Variants in HPSE2 observed in about 807,000 individuals in gnomAD.
HPSE2 encodes heparanase 2 (inactive).
HPSE2 carries 38 observed loss-of-function variants against 60.5 expected under a neutral mutation model. That is an observed-to-expected ratio of 0.63 (90% CI 0.48 to 0.82). The LOEUF (loss-of-function observed/expected upper bound fraction) is 0.82, where lower values mean the gene tolerates loss of function less well. HPSE2 is among the 40% of genes least tolerant of loss of function. The pLI, the probability that HPSE2 is intolerant of heterozygous loss-of-function variation, is 0.00. For synonymous variants in HPSE2, 295 were observed against 293.2 expected, an observed-to-expected ratio of 1.01 and a Z score of -0.06; for missense variants, 713 against 740.4, an observed-to-expected ratio of 0.96 and a Z score of 0.43.
intron 3 of HPSE2, among the ~76,000 whole-genome samples, chr10:98,871,150 G>A (rs908608898): frequency 1.3e-5 from 2 of 151,990 alleles, no homozygotes; most frequent in Non-Finnish European, 2.9e-5. Context: ...CCAGTCTCGA[G>A]TATTCCTTTA....
chr10:98,671,122 C>T (rs1306014192), intron 6 of HPSE2, among the ~76,000 whole-genome samples: 1 of 152,140 alleles, frequency 6.6e-6, no homozygotes, highest in Non-Finnish European at 1.5e-5. Flanking sequence ...AGTTTAAAAT[C>T]TGGATCTATT....
intron 5 of HPSE2, among the ~76,000 whole-genome samples, chr10:98,708,196 C>T (rs1370489090): frequency 6.6e-6 from 1 of 152,114 alleles, no homozygotes; most frequent in Non-Finnish European, 1.5e-5. Flanking sequence ...GTGGCTCACG[C>T]CTGTAATCCC....
At chr10:98,846,462 T>C (rs2134713049) in intron 3 of HPSE2, among the ~76,000 whole-genome samples, 1 of 152,312 alleles carries the variant, frequency 6.6e-6, no homozygotes, top group East Asian at 1.9e-4. Flanking sequence ...CATGGAAACA[T>C]GCTTTGCTAC....
At chr10:98,511,685 T>C (rs1262199716) in intron 9 of HPSE2, among the ~76,000 whole-genome samples, 1 of 151,718 alleles carries the variant, frequency 6.6e-6, no homozygotes, top group Non-Finnish European at 1.5e-5. Context: ...TATCTTTGCA[T>C]TCCCAGTGCC....
chr10:99,075,705 C>T (rs1422878068), intron 3 of HPSE2, among the ~76,000 whole-genome samples: 1 of 151,926 alleles, frequency 6.6e-6, no homozygotes, highest in African/African-American at 2.4e-5. Flanking sequence ...TTTAAGTGCT[C>T]TCATGTTGGG....
At chr10:99,072,098 CT>C (rs895913761) in intron 3 of HPSE2, among the ~76,000 whole-genome samples, 8 of 150,148 alleles carry the variant, frequency 5.3e-5, no homozygotes, top group African/African-American at 2.0e-4. Flanking sequence ...ATTGTTTTGT[CT>C]ATTTCTGTAA....
At chr10:99,230,562 G>C (rs566795628) in intron 2 of HPSE2, among the ~76,000 whole-genome samples, 1 of 152,012 alleles carries the variant, frequency 6.6e-6, no homozygotes, top group East Asian at 1.9e-4. Flanking sequence ...TAGTTTTACA[G>C]GGCACTGCCT....
At chr10:99,225,232 T>C (rs1223303190) in intron 2 of HPSE2, among the ~76,000 whole-genome samples, 1 of 152,128 alleles carries the variant, frequency 6.6e-6, no homozygotes, top group Non-Finnish European at 1.5e-5. Flanking sequence ...GGCAGACAAA[T>C]TGTGAAATGC....
At chr10:98,803,771 G>A (rs1445763614) in intron 3 of HPSE2, among the ~76,000 whole-genome samples, 9 of 150,964 alleles carry the variant, frequency 6.0e-5, no homozygotes, top group African/African-American at 1.7e-4. Context: ...CTCCAGCTTT[G>A]TTCTTTTGGC....
intron 3 of HPSE2, among the ~76,000 whole-genome samples, chr10:98,959,018 G>A (rs1045726153): frequency 6.6e-6 from 1 of 152,064 alleles, no homozygotes; most frequent in Non-Finnish European, 1.5e-5. Context: ...TTGATGTTAA[G>A]AGCAGAGATA....
chr10:99,021,300 T>C (rs985929754), intron 3 of HPSE2, among the ~76,000 whole-genome samples: 1 of 152,222 alleles, frequency 6.6e-6, no homozygotes, highest in Non-Finnish European at 1.5e-5. Flanking sequence ...GAATGCATTA[T>C]TAACCCTAAT....
intron 3 of HPSE2, among the ~76,000 whole-genome samples, chr10:99,063,898 T>G (rs1384897006): frequency 6.6e-6 from 1 of 152,026 alleles, no homozygotes; most frequent in African/African-American, 2.4e-5. Context: ...ATTGAGATCA[T>G]CCTGGCCAAC....
chr10:98,975,638 T>C lies in HPSE2; in HGVS notation c.610+168600A>G, dbSNP rs960784736. Among the ~76,000 whole-genome samples the C allele has an allele frequency of 2.6e-5, 4 of 152,280 alleles. No homozygotes were observed. In the East Asian group the frequency reaches 7.7e-4, roughly 29 times the overall value. ...TATTGAAAAATATAAGCATATGTAA[T>C]TTATTCAGGAAATTCTCTTTCATAT... On this transcript the variant is annotated intron_variant, in intron 3 of 11. Transcript: ENST00000370552.
chr10:98,735,375 C>A (rs746931224), intron 4 of HPSE2, among the ~76,000 whole-genome samples: 9 of 148,910 alleles, frequency 6.0e-5, no homozygotes, highest in Non-Finnish European at 8.9e-5. Flanking sequence ...TATAGAAATG[C>A]CTGTATATCC....
chr10:98,545,724 T>G (rs1339551670), intron 9 of HPSE2, among the ~76,000 whole-genome samples: 1 of 151,836 alleles, frequency 6.6e-6, no homozygotes, highest in Admixed American at 6.6e-5. Context: ...CTGGAAGCAT[T>G]CCCTTTGAAA....
chr10:98,869,591 T>G (rs1391652912), intron 3 of HPSE2, among the ~76,000 whole-genome samples: 1 of 152,174 alleles, frequency 6.6e-6, no homozygotes, highest in East Asian at 1.9e-4. Context: ...GTCACAGACT[T>G]TCTTCTCTAA....
chr10:99,215,799 T>A (rs1196675963), intron 2 of HPSE2, among the ~76,000 whole-genome samples: 2 of 152,220 alleles, frequency 1.3e-5, no homozygotes, highest in Non-Finnish European at 2.9e-5. Flanking sequence ...TTTGGGCTAA[T>A]GAAAATGTTT....
In HPSE2 at chr10:98,605,967, C is replaced by T. The variant is rs566823951; in HGVS notation, c.1320+8937G>A. Among the ~76,000 whole-genome samples the T allele has an allele frequency of 2.0e-5, 3 of 152,372 alleles. No homozygotes were observed. The South Asian group carries it at 6.2e-4, about 32-fold the overall frequency. On this transcript the variant is annotated intron_variant, in intron 9 of 11. Transcript: ENST00000370552. ...TTCAGTGAAGACCTCCTTAGCCACA[C>T]TTTCTAAAGAAGCCTCCCCTCCTCA...
chr10:98,606,973 T>C (rs998758740), intron 9 of HPSE2, among the ~76,000 whole-genome samples: 1 of 152,188 alleles, frequency 6.6e-6, no homozygotes, highest in Non-Finnish European at 1.5e-5. Context: ...ATTTGTCATA[T>C]CGTGGCATTC....
Sources: gnomAD v4.1 joint callset for allele counts (sites outside exome capture counted in the v4.1 genomes callset) on GRCh38, gnomAD v4.1.1 for gene constraint, MANE v1.5 for transcripts, NCBI Gene and HGNC (gene_info 2026-07-23, HGNC 2026-07-21) for gene names.